TNIK: variants seen among roughly 807,000 people sequenced by gnomAD.
The protein encoded by TNIK is TRAF2 and NCK-interacting protein kinase.
A neutral mutation model predicts 191.3 loss-of-function variants in TNIK; 49 were observed. That is an observed-to-expected ratio of 0.26 (90% CI 0.20 to 0.32). TNIK has a LOEUF of 0.32. Ranked by LOEUF, TNIK falls within the 10% of genes least tolerant of loss-of-function variation. The pLI is 1.00. For synonymous variants in TNIK, 594 were observed against 600.9 expected, an observed-to-expected ratio of 0.99 and a Z score of 0.17; for missense variants, 1,155 against 1,702.3, an observed-to-expected ratio of 0.68 and a Z score of 5.66.
At chr3:171,327,627 C>CAGT (rs2108354859) in intron 2 of TNIK, among the ~76,000 whole-genome samples, 1 of 152,176 alleles carries the variant, frequency 6.6e-6, no homozygotes, top group African/African-American at 2.4e-5. Flanking sequence ...TCATCCAGAA[C>CAGT]AGTAGCTCTG....
chr3:171,188,664 G>A, intron 7 of TNIK, 38 bp downstream of exon 7: 1 of 1,609,766 alleles, frequency 6.2e-7, no homozygotes, highest in South Asian at 1.1e-5. Context: ...AGGATAAGAT[G>A]GTAGGCATAG....
intron 2 of TNIK, among the ~76,000 whole-genome samples, chr3:171,326,479 A>C (rs1755762149): frequency 1.3e-5 from 2 of 152,164 alleles, no homozygotes; most frequent in Admixed American, 6.5e-5. Flanking sequence ...ACTCCCACTG[A>C]GGTTCCCTAA....
At chr3:171,282,291 C>G (rs1396321554) in intron 2 of TNIK, among the ~76,000 whole-genome samples, 2 of 150,688 alleles carry the variant, frequency 1.3e-5, no homozygotes, top group Admixed American at 6.6e-5. Context: ...TTTTTTTTAA[C>G]CAACATTTCT....
intron 1 of TNIK, among the ~76,000 whole-genome samples, chr3:171,447,341 G>C (rs1727642152): frequency 6.6e-6 from 1 of 150,980 alleles, no homozygotes; most frequent in Non-Finnish European, 1.5e-5. Context: ...TCTGACATTG[G>C]TCATCTTACA....
At chr3:171,101,738 C>T (rs1192977395) in intron 21 of TNIK, 105 bp from the exon 22 acceptor site, 2 of 1,098,008 alleles carry the variant, frequency 1.8e-6, no homozygotes, top group Non-Finnish European at 2.6e-6. Context: ...AAAAAAAGCT[C>T]TATATAGAAC....
At chr3:171,267,470 A>C (rs1436237328) in intron 2 of TNIK, among the ~76,000 whole-genome samples, 1 of 152,238 alleles carries the variant, frequency 6.6e-6, no homozygotes, top group East Asian at 1.9e-4. Context: ...AGAGACTCCC[A>C]GGTCTGATTT....
intron 1 of TNIK, among the ~76,000 whole-genome samples, chr3:171,389,044 A>C (rs886894839): frequency 1.3e-5 from 2 of 152,164 alleles, no homozygotes; most frequent in Non-Finnish European, 2.9e-5. Context: ...TGTAATCCTG[A>C]CATGAACTCT....
At chr3:171,179,729 C>G (rs1472209433) in intron 7 of TNIK, among the ~76,000 whole-genome samples, 1 of 152,188 alleles carries the variant, frequency 6.6e-6, no homozygotes, top group Admixed American at 6.5e-5. Flanking sequence ...GGATTACAGG[C>G]ATGAGCCACC....
intron 12 of TNIK, among the ~76,000 whole-genome samples, chr3:171,155,799 T>A (rs1249359503): frequency 6.6e-6 from 1 of 152,196 alleles, no homozygotes; most frequent in Admixed American, 6.5e-5. Context: ...AGAGGCCAGA[T>A]GAGGGATGTG....
chr3:171,314,574 TAAGTC>T (rs1754393835), intron 2 of TNIK, among the ~76,000 whole-genome samples: 1 of 152,168 alleles, frequency 6.6e-6, no homozygotes, highest in African/African-American at 2.4e-5. Flanking sequence ...ATTCCTGGCC[TAAGTC>T]AGTTCTAGTA....
chr3:171,065,460 G>A (rs1005229083), intron 32 of TNIK, among the ~76,000 whole-genome samples: 2 of 152,166 alleles, frequency 1.3e-5, no homozygotes, highest in African/African-American at 4.8e-5. Context: ...GTGGCTTTGG[G>A]GACAGCATTT....
At chr3:171,345,663 G>A (rs777515981) in intron 2 of TNIK, among the ~76,000 whole-genome samples, 1 of 152,094 alleles carries the variant, frequency 6.6e-6, no homozygotes, top group Non-Finnish European at 1.5e-5. Context: ...AAAAACACCA[G>A]GGAACTCAGT....
chr3:171,375,994 G>A (rs1177666722), intron 1 of TNIK, among the ~76,000 whole-genome samples: 1 of 152,134 alleles, frequency 6.6e-6, no homozygotes, highest in East Asian at 1.9e-4. Flanking sequence ...CTCCCAGAAT[G>A]ACTGCTACCC....
At chr3:171,177,232 A>G in intron 8 of TNIK, 94 bp downstream of exon 8, 1 of 1,316,060 alleles carries the variant, frequency 7.6e-7, no homozygotes, top group Non-Finnish European at 1.1e-6. Flanking sequence ...GGCTCGGTGT[A>G]GTGGAAGTAA....
chr3:171,123,418 T>C (rs1728035189), intron 18 of TNIK, among the ~76,000 whole-genome samples, 178 bp downstream of exon 18: 1 of 152,256 alleles, frequency 6.6e-6, no homozygotes, highest in Non-Finnish European at 1.5e-5. Flanking sequence ...TACTGATTTC[T>C]CTGAAAAGCT....
chr3:171,413,171 T>C (rs1014437652), intron 1 of TNIK, among the ~76,000 whole-genome samples: 4 of 152,256 alleles, frequency 2.6e-5, no homozygotes, highest in Admixed American at 2.0e-4. Flanking sequence ...TGCGCATACA[T>C]ATTTTTACTT....
chr3:171,343,792 A>T (rs1324562330), intron 2 of TNIK, among the ~76,000 whole-genome samples: 2 of 152,190 alleles, frequency 1.3e-5, no homozygotes, highest in Non-Finnish European at 2.9e-5. Context: ...TCTCCAAATC[A>T]ATGTATCATC....
intron 2 of TNIK, among the ~76,000 whole-genome samples, chr3:171,347,966 G>T (rs754099568): frequency 5.3e-5 from 8 of 152,142 alleles, no homozygotes; most frequent in Non-Finnish European, 8.8e-5. Flanking sequence ...ACCAAATAGT[G>T]CTGTGTAGAT....
At chr3:171,101,776 C>A (rs1723611425) in intron 21 of TNIK, 143 bp from the exon 22 acceptor site, 2 of 748,908 alleles carry the variant, frequency 2.7e-6, no homozygotes, top group African/African-American at 1.8e-5. Flanking sequence ...CTGCATGGAA[C>A]TAAGAAAATG....
Sources: allele counts gnomAD v4.1 joint callset (sites outside exome capture counted in the v4.1 genomes callset), GRCh38; gene constraint gnomAD v4.1.1; transcripts MANE v1.5; gene names NCBI Gene and HGNC (gene_info 2026-07-23, HGNC 2026-07-21).